ITGA8: variants seen among roughly 807,000 people sequenced by gnomAD.
ITGA8 encodes the protein integrin alpha-8.
A neutral mutation model predicts 142.3 loss-of-function variants in ITGA8; 91 were observed. The observed-to-expected ratio is 0.64, with a 90% CI of 0.54 to 0.76. ITGA8 has a LOEUF of 0.76. Ranked by LOEUF, ITGA8 falls within the 30% of genes least tolerant of loss-of-function variation. ITGA8 has a pLI of 0.00. For missense variants in ITGA8, 1,406 were observed against 1,327.7 expected, an observed-to-expected ratio of 1.06 and a Z score of -0.92; for synonymous variants, 505 against 485.2, an observed-to-expected ratio of 1.04 and a Z score of -0.54.
chr10:15,533,929 CAG>C (rs1209711146), intron 27 of ITGA8, among the ~76,000 whole-genome samples: 3 of 139,166 alleles, frequency 2.2e-5, no homozygotes, highest in Non-Finnish European at 4.6e-5. Context: ...TTTTTTGAGA[CAG>C]AGTCTCATTC....
chr10:15,644,214 G>A lies in ITGA8; in HGVS notation c.1215C>T (p.Ala405=). Residue 405 remains alanine (A), a synonymous_variant, in exon 13 of 30, where the codon GCC becomes GCT. Transcript: ENST00000378076. ...CCTTGCCTGCAAAAGGCACTCCGAT[G>A]GCAATGTCTAAAAACAGACATAAAA... The part of the protein sequence containing the change: ...DLNQDGYNDI[A]IGVPFAGKDQ... 1 of 1,612,966 alleles carries A rather than the reference G, an allele frequency of 6.2e-7. No individual in the cohort carries two copies. Among genetic ancestry groups the A allele is most frequent in the Non-Finnish European group, 8.5e-7 (1 of 1,179,492 alleles).
In ITGA8 at chr10:15,598,280, G is replaced by A. The variant is rs547776954; in HGVS notation, c.2119-981C>T. ...TGTCCCTGTGATAGGTTCGGAAGAG[G>A]GTTCTCAATATAATGACCATTTATC... On this transcript the variant is annotated intron_variant, in intron 20 of 29. Transcript: ENST00000378076. Among the ~76,000 whole-genome samples the A allele has an allele frequency of 3.4e-4, 51 of 152,070 alleles. No homozygotes were observed. In the East Asian group the frequency reaches 8.3e-3, roughly 25 times the overall value.
At chr10:15,679,097 A>C (rs571187998) in intron 4 of ITGA8, among the ~76,000 whole-genome samples, 3 of 152,170 alleles carry the variant, frequency 2.0e-5, no homozygotes, top group South Asian at 4.1e-4. Context: ...CTATATTCCA[A>C]ATTTCCCATG....
At position 15,617,132 on chromosome 10, in the gene ITGA8, A is replaced by G. The variant is rs534762420; in HGVS notation, c.1400-573T>C. ...GACAACAGCAATCCTAATAAATAGC[A>G]CATGGAACAGCACTATATGCCAGGA... On this transcript the variant is annotated intron_variant, in intron 13 of 29. Transcript: ENST00000378076. Among the ~76,000 whole-genome samples the G allele has an allele frequency of 9.2e-5, 14 of 152,380 alleles. No homozygotes were observed. The South Asian group carries it at 2.9e-3, about 32-fold the overall frequency.
intron 13 of ITGA8, among the ~76,000 whole-genome samples, chr10:15,630,946 T>C (rs1833674921): frequency 6.6e-6 from 1 of 152,034 alleles, no homozygotes; most frequent in Admixed American, 6.5e-5. Context: ...TTTTCATACG[T>C]TTGTTGGCTG....
At chr10:15,582,396 C>A (rs751446809) in intron 23 of ITGA8, among the ~76,000 whole-genome samples, 1 of 152,108 alleles carries the variant, frequency 6.6e-6, no homozygotes, top group Non-Finnish European at 1.5e-5. Flanking sequence ...AGTATTATTT[C>A]AAATTAGGAC....
In ITGA8 at chr10:15,625,514, G is replaced by A. The variant is rs528483521; in HGVS notation, c.1400-8955C>T. On this transcript the variant is annotated intron_variant, in intron 13 of 29. Transcript: ENST00000378076. Reference sequence around the variant, plus strand: ...ACAGTACCAGTGTCACTTGTATGTAGCTGCCTATTGGAAAGTGTTTCACAG... The same window carrying A: ...ACAGTACCAGTGTCACTTGTATGTAACTGCCTATTGGAAAGTGTTTCACAG... Among the ~76,000 whole-genome samples the A allele has an allele frequency of 2.0e-5, 3 of 152,328 alleles. No homozygotes were observed. The South Asian group carries it at 6.2e-4, about 32-fold the overall frequency.
chr10:15,683,236 GTTAA>G (rs1451275725), intron 4 of ITGA8, among the ~76,000 whole-genome samples: 1 of 151,972 alleles, frequency 6.6e-6, no homozygotes, highest in Admixed American at 6.6e-5. Context: ...AACTGGAGGA[GTTAA>G]TTAAAGGACT....
chr10:15,663,895 T>TA (rs1031157906), intron 8 of ITGA8, among the ~76,000 whole-genome samples: 7 of 152,042 alleles, frequency 4.6e-5, no homozygotes, highest in Admixed American at 3.3e-4. Flanking sequence ...AATGCCACAT[T>TA]AAAAAAAATA....
chr10:15,600,342 T>C (rs1293465596), intron 20 of ITGA8, among the ~76,000 whole-genome samples: 1 of 152,238 alleles, frequency 6.6e-6, no homozygotes, highest in East Asian at 1.9e-4. Context: ...TCAATTATTA[T>C]TGTCTCAACT....
intron 2 of ITGA8, among the ~76,000 whole-genome samples, chr10:15,689,223 G>C (rs923369172): frequency 2.6e-5 from 4 of 152,208 alleles, no homozygotes; most frequent in African/African-American, 9.6e-5. Flanking sequence ...GCATCAGCCA[G>C]ATGGCAGACT....
At chr10:15,633,262 G>A (rs1453395516) in intron 13 of ITGA8, among the ~76,000 whole-genome samples, 1 of 151,830 alleles carries the variant, frequency 6.6e-6, no homozygotes, top group Non-Finnish European at 1.5e-5. Context: ...AAACTAGGAA[G>A]CATTTCCTTT....
At chr10:15,654,826 G>A (rs973109166) in intron 11 of ITGA8, among the ~76,000 whole-genome samples, 15 of 152,140 alleles carry the variant, frequency 9.9e-5, no homozygotes, top group African/African-American at 1.4e-4. Flanking sequence ...AATCAAAGAA[G>A]TGTTTAATCA....
At chr10:15,578,452 T>C (rs1023005309) in intron 23 of ITGA8, among the ~76,000 whole-genome samples, 2 of 152,140 alleles carry the variant, frequency 1.3e-5, no homozygotes, top group Admixed American at 1.3e-4. Context: ...TGGCCATTAT[T>C]AACAAAGCTG....
intron 24 of ITGA8, among the ~76,000 whole-genome samples, chr10:15,575,093 C>T (rs1405652625): frequency 1.3e-5 from 2 of 152,076 alleles, no homozygotes; most frequent in Non-Finnish European, 2.9e-5. Context: ...ATATACAGCT[C>T]GGAACTTGGG....
chr10:15,706,146 C>T (rs1322239343), intron 2 of ITGA8, among the ~76,000 whole-genome samples: 1 of 152,146 alleles, frequency 6.6e-6, no homozygotes, highest in Non-Finnish European at 1.5e-5. Context: ...TGGACTCAAC[C>T]CTGGGTATTT....
intron 3 of ITGA8, among the ~76,000 whole-genome samples, chr10:15,685,040 A>C (rs1394800863): frequency 1.3e-5 from 2 of 152,160 alleles, no homozygotes; most frequent in Non-Finnish European, 2.9e-5. Flanking sequence ...GTTTTTATTC[A>C]TGGCAAAACT....
At chr10:15,610,793 G>C (rs927209536) in intron 15 of ITGA8, among the ~76,000 whole-genome samples, 2 of 152,162 alleles carry the variant, frequency 1.3e-5, no homozygotes, top group Admixed American at 6.5e-5. Context: ...ATAGCAAATA[G>C]CAGGTTTCAC....
At chr10:15,627,827 G>A (rs182821210) in intron 13 of ITGA8, among the ~76,000 whole-genome samples, 51 of 150,700 alleles carry the variant, frequency 3.4e-4, no homozygotes, top group Non-Finnish European at 6.5e-4. Flanking sequence ...CCACTGGGCT[G>A]CATTCCCAGG....
Sources: allele counts gnomAD v4.1 joint callset (sites outside exome capture counted in the v4.1 genomes callset), GRCh38; gene constraint gnomAD v4.1.1; transcripts MANE v1.5; gene names NCBI Gene and HGNC (gene_info 2026-07-23, HGNC 2026-07-21).